The following SGCD variants were observed in gnomAD, a reference collection of about 807,000 sequenced individuals.
The protein encoded by SGCD is sarcoglycan delta, also known as delta-sarcoglycan.
In SGCD, 18 loss-of-function variants were observed where a neutral mutation model predicts 36.6. The observed-to-expected ratio is 0.49, with a 90% CI of 0.34 to 0.73. The LOEUF is 0.73. SGCD is among the 30% of genes least tolerant of loss of function. SGCD has a pLI of 0.01. For missense variants in SGCD, 387 were observed against 346.7 expected (o/e 1.12, Z -0.92); for synonymous variants, 133 against 130.6 (o/e 1.02, Z -0.12).
intron 3 of SGCD, among the ~76,000 whole-genome samples, chr5:156,292,860 G>C (rs181561977): frequency 5.9e-5 from 9 of 152,026 alleles, no homozygotes; most frequent in Admixed American, 2.6e-4. Context: ...CTGATTTGGG[G>C]CATCTTTTCA....
chr5:156,692,122 G>A (rs1159859626), intron 7 of SGCD, among the ~76,000 whole-genome samples: 1 of 152,120 alleles, frequency 6.6e-6, no homozygotes, highest in Non-Finnish European at 1.5e-5. Flanking sequence ...CCAATTTCCT[G>A]AAATAACAGT....
chr5:156,481,249 G>T lies in SGCD; in HGVS notation c.193-27352G>T, dbSNP rs77370445. 6.1e-4 allele frequency among the ~76,000 whole-genome samples: 93 copies of T among 152,288 alleles called. 1 individual carries two copies. The East Asian group carries it at 0.017, about 27-fold the overall frequency. On this transcript the variant is annotated intron_variant, in intron 3 of 8. Transcript: ENST00000337851. ...TACAAGGACTGGCTAGTGACAAGTA[G>T]ATAAAAAGGCCCTGGGGAAAGTTGG...
chr5:156,617,406 G>A (rs909092630), intron 6 of SGCD, among the ~76,000 whole-genome samples: 1 of 152,218 alleles, frequency 6.6e-6, no homozygotes, highest in South Asian at 2.1e-4. Context: ...TTCATGTGGA[G>A]GATCATGGGG....
At chr5:156,029,767 G>C (rs1209208276) in intron 1 of SGCD, among the ~76,000 whole-genome samples, 1 of 152,034 alleles carries the variant, frequency 6.6e-6, no homozygotes, top group Non-Finnish European at 1.5e-5. Context: ...GTTCTCTAGG[G>C]CTCTGGCTAT....
the SGCD span, among the ~76,000 whole-genome samples, chr5:155,767,573 G>A: frequency 0.011 from 1,720 of 152,256 alleles, 32 homozygotes; most frequent in African/African-American, 0.039. Context: ...TTTATAAAGG[G>A]AAGGGACAGG....
chr5:155,798,459 T>G, the SGCD span, among the ~76,000 whole-genome samples: 4 of 152,234 alleles, frequency 2.6e-5, no homozygotes, highest in Non-Finnish European at 5.9e-5. Flanking sequence ...TCCATCACAC[T>G]ATTTCTATAG....
intron 1 of SGCD, among the ~76,000 whole-genome samples, chr5:156,074,548 G>T (rs192427945): frequency 2.6e-3 from 397 of 152,202 alleles, no homozygotes; most frequent in Non-Finnish European, 4.0e-3. Flanking sequence ...CGGGCGTGGT[G>T]GCATGCCTGT....
At chr5:156,560,336 T>C (rs1012918365) in intron 4 of SGCD, among the ~76,000 whole-genome samples, 1 of 152,210 alleles carries the variant, frequency 6.6e-6, no homozygotes, top group Non-Finnish European at 1.5e-5. Context: ...GAAAAGCCCT[T>C]ACTTTCGATG....
chr5:155,732,898 T>C, the SGCD span, among the ~76,000 whole-genome samples: 1 of 152,052 alleles, frequency 6.6e-6, no homozygotes, highest in Non-Finnish European at 1.5e-5. Flanking sequence ...CAAAAAGTAG[T>C]AAACTCCATG....
intron 3 of SGCD, among the ~76,000 whole-genome samples, chr5:156,446,376 G>A (rs1015146130): frequency 7.2e-5 from 11 of 152,048 alleles, no homozygotes; most frequent in Non-Finnish European, 1.0e-4. Flanking sequence ...CAGTGTAGGC[G>A]TGAAAATTCT....
At position 156,505,556 on chromosome 5, in the gene SGCD, C is replaced by A. The variant is rs1475181652; in HGVS notation, c.193-3045C>A. 3.9e-5 allele frequency among the ~76,000 whole-genome samples: 6 copies of A among 152,238 alleles called. No individual in the cohort carries two copies. In the Middle Eastern group the frequency reaches 0.01, roughly 259 times the overall value. The stretch of plus-strand genomic sequence containing the variant: ...TGAGGTAGGTTGGGTGGAGACTGTG[C>A]AAACTAGAGACTGTATGGTGTGTCC... On this transcript the variant is annotated intron_variant, in intron 3 of 8. Coordinates refer to ENST00000337851, the MANE Select transcript of SGCD (RefSeq NM_000337.6).
chr5:155,975,608 C>CTTTTTTTTT (rs1758096179), intron 1 of SGCD, among the ~76,000 whole-genome samples: 1 of 48,118 alleles, frequency 2.1e-5, no homozygotes, highest in African/African-American at 8.1e-5. Context: ...TTCTTTCTTT[C>CTTTTTTTTT]CTTTTTTTTT....
intron 1 of SGCD, among the ~76,000 whole-genome samples, chr5:156,080,664 A>AT (rs1220651433): frequency 6.6e-6 from 1 of 152,228 alleles, no homozygotes; most frequent in Non-Finnish European, 1.5e-5. Flanking sequence ...TCCCTAGGGC[A>AT]TGAACACAAT....
intron 3 of SGCD, among the ~76,000 whole-genome samples, chr5:156,297,405 T>A (rs1373895671): frequency 6.6e-6 from 1 of 152,038 alleles, no homozygotes; most frequent in Non-Finnish European, 1.5e-5. Flanking sequence ...CCATCTATGA[T>A]AGACTGGATT....
Position 156,709,143 on chromosome 5 carries a change from A to G in SGCD, c.576-48438A>G, listed in dbSNP as rs138401392. Among the ~76,000 whole-genome samples the G allele has an allele frequency of 2.2e-3, 335 of 152,268 alleles. 2 individuals carry two copies. The highest frequency in any genetic ancestry group is 7.7e-3 in the African/African-American group (320 of 41,548). On this transcript the variant is annotated intron_variant, in intron 7 of 8. Transcript: ENST00000337851. ...GTCTGATGTTTCTCAGTTGCCTTCA[A>G]CTCAAAATAATCCTTATGGCAGAGT... is the stretch of plus-strand genomic sequence containing the variant.
rs151271534 is a variant in SGCD at position 156,052,618 on chromosome 5, G to A, written c.-281-65260G>A. On this transcript the variant is annotated intron_variant, in intron 1 of 9. Coordinates refer to the SGCD transcript ENST00000517913. The stretch of plus-strand genomic sequence containing the variant: ...GTAGAAACAATAGAGTTTGCAGATA[G>A]AAAATATATGTCGTATAAATGAGGA... 2.6e-3 allele frequency among the ~76,000 whole-genome samples: 374 copies of A among 145,896 alleles called. 26 individuals carry two copies. Among genetic ancestry groups the A allele is most frequent in the African/African-American group, 8.6e-3 (351 of 40,582 alleles).
chr5:156,460,514 G>A (rs997878050), intron 3 of SGCD, among the ~76,000 whole-genome samples: 2 of 152,278 alleles, frequency 1.3e-5, no homozygotes, highest in South Asian at 4.1e-4. Flanking sequence ...AGTTAGGCAT[G>A]CCACAGACAG....
intron 1 of SGCD, among the ~76,000 whole-genome samples, chr5:155,926,252 C>A (rs1756995459): frequency 6.6e-6 from 1 of 152,194 alleles, no homozygotes; most frequent in Non-Finnish European, 1.5e-5. Flanking sequence ...GAAAGATTCT[C>A]CGCAAGTTTG....
intron 7 of SGCD, among the ~76,000 whole-genome samples, chr5:156,684,099 G>C (rs1339556993): frequency 6.6e-6 from 1 of 152,140 alleles, no homozygotes; most frequent in Non-Finnish European, 1.5e-5. Context: ...CACATAGTAG[G>C]TCATTAACAA....
Sources: gnomAD v4.1 joint callset for allele counts (sites outside exome capture counted in the v4.1 genomes callset) on GRCh38, gnomAD v4.1.1 for gene constraint, MANE v1.5 for transcripts, NCBI Gene and HGNC (gene_info 2026-07-23, HGNC 2026-07-21) for gene names.